The following PI4KA variants were observed in gnomAD, a reference collection of about 807,000 sequenced individuals.
PI4KA encodes the protein PI4-kinase alpha.
PI4KA carries 122 observed loss-of-function variants against 271.4 expected under a neutral mutation model. That is an observed-to-expected ratio of 0.45 (90% CI 0.39 to 0.52). The LOEUF is 0.52. Ranked by LOEUF, PI4KA falls within the 20% of genes least tolerant of loss-of-function variation. The pLI is 0.00. For missense variants in PI4KA, 1,969 were observed against 2,769.1 expected (o/e 0.71, Z 6.48); for synonymous variants, 1,041 against 1,078.8 (o/e 0.96, Z 0.69).
chr22:20,727,541 A>G (rs1396680381), intron 40 of PI4KA, 144 bp from the exon 41 acceptor site: 1 of 812,188 alleles, frequency 1.2e-6, no homozygotes, highest in East Asian at 2.7e-5. Flanking sequence ...CTGATGTGTT[A>G]TGGAAAACAA....
At chr22:20,751,872 G>A (rs1930740272) in intron 25 of PI4KA, 117 bp from the exon 26 acceptor site, 1 of 810,934 alleles carries the variant, frequency 1.2e-6, no homozygotes, top group African/African-American at 1.7e-5. Flanking sequence ...GCTGAAGGAG[G>A]AGGTCGGGAG....
At chr22:20,774,176 T>A (rs920222566) in intron 19 of PI4KA, 3 of 152,350 alleles carry the variant, frequency 2.0e-5, no homozygotes, top group Non-Finnish European at 4.4e-5. Context: ...TTCTGCTGAT[T>A]ATAAATTATT....
At chr22:20,721,143 T>C (rs564520866) in intron 43 of PI4KA, among the ~76,000 whole-genome samples, 155 bp downstream of exon 43, 2 of 152,212 alleles carry the variant, frequency 1.3e-5, no homozygotes, top group South Asian at 4.2e-4. Context: ...CTCCCCTGTG[T>C]GCTGAAAGGT....
intron 45 of PI4KA, among the ~76,000 whole-genome samples, chr22:20,716,040 C>T (rs1407243601): frequency 2.6e-5 from 4 of 152,130 alleles, no homozygotes; most frequent in South Asian, 2.1e-4. Flanking sequence ...CAGGCACGCG[C>T]CACCATGCCT....
At chr22:20,775,554 T>C (rs1045716523) in intron 19 of PI4KA, among the ~76,000 whole-genome samples, 5 of 152,246 alleles carry the variant, frequency 3.3e-5, no homozygotes, top group Non-Finnish European at 7.3e-5. Flanking sequence ...TCAGATACGT[T>C]TTCCTGAATG....
intron 1 of PI4KA, among the ~76,000 whole-genome samples, chr22:20,856,411 T>C (rs1601631969): frequency 6.6e-6 from 1 of 151,652 alleles, no homozygotes; most frequent in Non-Finnish European, 1.5e-5. Context: ...GCTATGGCTG[T>C]GTTCCTTGTA....
In PI4KA at chr22:20,796,186, C is replaced by A. The variant is rs1934974514; in HGVS notation, c.2237G>T (p.Arg746Leu). The change falls in exon 18 of 55, where the codon CGA (arginine) becomes CTA (leucine). Residue 746 changes from arginine (R) to leucine (L), a missense_variant. Transcript: ENST00000255882. ...LFVQLGLEGK[R>L]ASERASEKGP... ...CTTCTCGCTTGCCCTCTCGCTGGCTCGCTTCCCCTCCAGCCCCAGCTGCAC... is the reference window on the plus strand; with the variant it reads ...CTTCTCGCTTGCCCTCTCGCTGGCTAGCTTCCCCTCCAGCCCCAGCTGCAC... The A allele has an allele frequency of 6.2e-7, 1 of 1,613,852 alleles. No homozygotes were observed. The highest frequency in any genetic ancestry group is 1.3e-5 in the African/African-American group (1 of 74,912).
At position 20,850,440 on chromosome 22, in the gene PI4KA, T is replaced by A. The variant is rs547198665; in HGVS notation, c.156+8130A>T. On this transcript the variant is annotated intron_variant, in intron 1 of 54. Transcript: ENST00000255882. The stretch of plus-strand genomic sequence containing the variant: ...GGTCTCTGGGACTATAAATACTCAT[T>A]TAAAAAAAAATTTTTTTTTTTGAGA... 1.7e-4 allele frequency among the ~76,000 whole-genome samples: 24 copies of A among 140,198 alleles called. No homozygotes were observed. The East Asian group carries it at 4.6e-3, about 27-fold the overall frequency. 92.0% of individuals were successfully genotyped at this position (140,198 alleles called of 152,430 possible). A position where few individuals can be genotyped will look rare whatever the true frequency, so the allele number is the denominator to read the frequency against.
intron 15 of PI4KA, 56 bp downstream of exon 15, chr22:20,799,615 A>G: frequency 1.6e-6 from 2 of 1,253,826 alleles, no homozygotes; most frequent in Non-Finnish European, 2.3e-6. Context: ...CAGGTGCCCC[A>G]CACGAGCCTG....
chr22:20,807,304 C>T (rs946275362), intron 10 of PI4KA, 58 bp downstream of exon 10: 46 of 1,064,428 alleles, frequency 4.3e-5, no homozygotes, highest in Non-Finnish European at 6.7e-5. Flanking sequence ...TAGCATGCGA[C>T]AGTGGCCTGG....
chr22:20,807,298 A>AG, intron 10 of PI4KA, 64 bp downstream of exon 10: 1 of 989,060 alleles, frequency 1.0e-6, no homozygotes, highest in African/African-American at 1.6e-5. Context: ...AACCACTAGC[A>AG]TGCGACAGTG....
intron 32 of PI4KA, among the ~76,000 whole-genome samples, chr22:20,739,611 G>T (rs1929167366): frequency 1.4e-5 from 2 of 142,076 alleles, no homozygotes; most frequent in Admixed American, 1.5e-4. Flanking sequence ...GAAGAAAAAA[G>T]ATAAAAAGAA....
At chr22:20,826,518 G>A (rs1282752766) in intron 3 of PI4KA, among the ~76,000 whole-genome samples, 1 of 151,808 alleles carries the variant, frequency 6.6e-6, no homozygotes, top group African/African-American at 2.4e-5. Context: ...ACATACTTAC[G>A]CATGCATCTT....
Position 20,753,198 on chromosome 22 carries a change from C to T in PI4KA, c.2792-18G>A. On this transcript the variant is annotated intron_variant, in intron 23 of 54. Coordinates refer to ENST00000255882, the MANE Select transcript of PI4KA (RefSeq NM_058004.4). ...CATCATCCCTGAAACGAGAAGGTTT[C>T]CATGGATAAGGTGCAGCAACAGAGA... 1 of 1,608,692 alleles carries T rather than the reference C, an allele frequency of 6.2e-7. No homozygotes were observed. The highest frequency in any genetic ancestry group is 1.1e-5 in the South Asian group (1 of 90,908).
At chr22:20,721,584 G>A in intron 42 of PI4KA, 166 bp from the exon 43 acceptor site, 2 of 676,754 alleles carry the variant, frequency 3.0e-6, no homozygotes, top group South Asian at 3.8e-5. Context: ...TCCAGCCAGT[G>A]GCCAGGCCAA....
At position 20,753,473 on chromosome 22, in the gene PI4KA, G is replaced by A. The variant is rs191786007; in HGVS notation, c.2792-293C>T. 3.2e-4 allele frequency among the ~76,000 whole-genome samples: 49 copies of A among 152,234 alleles called. 1 individual carries two copies. The East Asian group carries it at 9.3e-3, about 29-fold the overall frequency. ...CGCTTCTGTTCCAGCATCCAACCCA[G>A]GACACCAGGTGGCATTTAATCTGTG... is the stretch of plus-strand genomic sequence containing the variant. On this transcript the variant is annotated intron_variant, in intron 23 of 54. Transcript: ENST00000255882.
intron 1 of PI4KA, among the ~76,000 whole-genome samples, chr22:20,856,110 C>A (rs550463744): frequency 6.6e-6 from 1 of 152,118 alleles, no homozygotes; most frequent in Non-Finnish European, 1.5e-5. Flanking sequence ...GGTGAAACCC[C>A]GTCTCCACTA....
At chr22:20,812,657 G>A (rs1273560748) in intron 8 of PI4KA, among the ~76,000 whole-genome samples, 1 of 152,124 alleles carries the variant, frequency 6.6e-6, no homozygotes, top group Non-Finnish European at 1.5e-5. Context: ...AGGTTCAAGC[G>A]ATCCTCCTAA....
chr22:20,849,237 A>G (rs999575612), intron 1 of PI4KA, among the ~76,000 whole-genome samples: 2 of 152,234 alleles, frequency 1.3e-5, no homozygotes, highest in Admixed American at 1.3e-4. Context: ...CCCTCTGTAC[A>G]CCGTTGGTGG....
Sources: allele counts gnomAD v4.1 joint callset (sites outside exome capture counted in the v4.1 genomes callset), GRCh38; gene constraint gnomAD v4.1.1; transcripts MANE v1.5; gene names NCBI Gene and HGNC (gene_info 2026-07-23, HGNC 2026-07-21).